The following UNKL variants were observed in gnomAD, a reference collection of about 807,000 sequenced individuals.
UNKL encodes the protein putative E3 ubiquitin-protein ligase UNKL.
In UNKL, 60 loss-of-function variants were observed where a neutral mutation model predicts 78.0. The observed-to-expected ratio is 0.77, with a 90% CI of 0.63 to 0.95. The LOEUF is 0.95. UNKL is among the 40% of genes least tolerant of loss of function. The pLI, the probability that UNKL is intolerant of heterozygous loss-of-function variation, is 0.00. For synonymous variants in UNKL, 608 were observed against 474.8 expected (o/e 1.28, Z -3.65); for missense variants, 1,159 against 1,045.7 (o/e 1.11, Z -1.49).
chr16:1,399,241 C>G lies in UNKL; in HGVS notation c.734+133G>C. On this transcript the variant is annotated intron_variant, in intron 5 of 14. Transcript: ENST00000389221. This position sits in a 1 kb window ranked among gnomAD's most constrained non-coding sequence, Gnocchi z 5.8. The stretch of plus-strand genomic sequence containing the variant: ...CCCACAGCCACTGTGCTTGGAGATG[C>G]CCTCCCCTCCCGGGGATGATGGTGC... 7.3e-7 allele frequency: 1 copy of G among 1,369,110 alleles called. No individual in the cohort carries two copies. The highest frequency in any genetic ancestry group is 2.9e-5 in the Admixed American group (1 of 33,988). The allele number at this position is 1,369,110 out of a possible 1,614,324, so 84.8% of individuals were successfully genotyped here. A position where few individuals can be genotyped will look rare whatever the true frequency, so the allele number is the denominator to read the frequency against.
At chr16:1,410,953 G>A (rs553424065) in intron 2 of UNKL, among the ~76,000 whole-genome samples, 2 of 152,156 alleles carry the variant, frequency 1.3e-5, no homozygotes, top group African/African-American at 2.4e-5. Flanking sequence ...CACTATGGCC[G>A]GGTGTGGTGG....
chr16:1,390,688 G>A lies in UNKL; in HGVS notation c.1030C>T (p.Arg344Trp), dbSNP rs761163570. The A allele has an allele frequency of 1.6e-4, 240 of 1,535,836 alleles. No individual in the cohort carries two copies. The highest frequency in any genetic ancestry group is 1.9e-4 in the Non-Finnish European group (222 of 1,146,872). ...TGSGQPGNAKRRDSPAEGGPR... is the reference protein window; with the variant it reads ...TGSGQPGNAKWRDSPAEGGPR... ...CCACCCTCGGCCGGCGAGTCTCTCC[G>A]CTTGGCCTGCAACATAAAAAACAGT... The change falls in exon 9 of 15, where the codon CGG (arginine) becomes TGG (tryptophan). Residue 344 changes from arginine to tryptophan, a missense_variant. By Grantham distance (101) the Arg-to-Trp change is moderately radical. Transcript: ENST00000389221.
rs576471219 is a variant in UNKL, at chr16:1,368,904, CTT to C, written c.1586-1048_1586-1047del. Among the ~76,000 whole-genome samples, 1,043 of 152,034 alleles carry C rather than the reference CTT, an allele frequency of 6.9e-3. 9 individuals carry two copies. Among genetic ancestry groups the C allele is most frequent in the Non-Finnish European group, 9.4e-3 (638 of 67,974 alleles). Reference sequence around the variant, plus strand: ...AAACTTTGTTTTAAAAAAATAAAAACTTTTAAAATTTTGTATTTTTTTGTAGA... The same window carrying C: ...AAACTTTGTTTTAAAAAAATAAAAACTTAAAATTTTGTATTTTTTTGTAGA... On this transcript the variant is annotated intron_variant, in intron 12 of 14. Coordinates refer to ENST00000389221, the MANE Select transcript of UNKL (RefSeq NM_001372107.1).
chr16:1,413,841 C>T lies in UNKL; in HGVS notation c.287+5G>A, dbSNP rs1294686621. The T allele has an allele frequency of 6.6e-7, 1 of 1,519,766 alleles. No individual in the cohort carries two copies. The highest frequency in any genetic ancestry group is 8.9e-7 in the Non-Finnish European group (1 of 1,126,510). The allele number at this position is 1,519,766 out of a possible 1,614,324, so 94.1% of individuals were successfully genotyped here. ...AGGCAGCGGCGCCCCCTCGCGGCCG[C>T]TTACTCGTCGCCGTCGGGGCACACG... is the stretch of plus-strand genomic sequence containing the variant. On this transcript the variant is annotated splice_donor_5th_base_variant and intron_variant, in intron 2 of 14. Coordinates refer to ENST00000389221, the MANE Select transcript of UNKL (RefSeq NM_001372107.1).
At chr16:1,409,554 C>A (rs1370137918) in intron 2 of UNKL, among the ~76,000 whole-genome samples, 1 of 152,160 alleles carries the variant, frequency 6.6e-6, no homozygotes, top group African/African-American at 2.4e-5. Context: ...AAACAAAACA[C>A]CAAACAGGCA....
At position 1,387,193 on chromosome 16, in the gene UNKL, A is replaced by G. The variant is rs367889575; in HGVS notation, c.1087-1808T>C. Among the ~76,000 whole-genome samples the G allele has an allele frequency of 4.4e-4, 66 of 148,534 alleles. 1 individual carries two copies. In the East Asian group the frequency reaches 4.6e-3, roughly 10 times the overall value. On this transcript the variant is annotated intron_variant, in intron 9 of 14. Coordinates refer to ENST00000389221, the MANE Select transcript of UNKL (RefSeq NM_001372107.1). The surrounding 1 kb of genome is among the most constrained non-coding windows in gnomAD (Gnocchi z 4.1). Reference sequence around the variant, plus strand: ...CACCGGGGACCCTCCCAGCCATGCAACACCGGGGACACTCCCAGCCATGCA... The same window carrying G: ...CACCGGGGACCCTCCCAGCCATGCAGCACCGGGGACACTCCCAGCCATGCA...
intron 8 of UNKL, 106 bp from the exon 9 acceptor site, chr16:1,390,800 C>T (rs1288238901): frequency 4.9e-6 from 6 of 1,230,326 alleles, no homozygotes; most frequent in Non-Finnish European, 5.7e-6. Flanking sequence ...GAGGCTGAGG[C>T]GGGCGGATCA....
At position 1,364,142 on chromosome 16, in the gene UNKL, C is replaced by G. The variant is rs1486448262; in HGVS notation, c.*2098G>C. On this transcript the variant is annotated 3_prime_UTR_variant, in exon 15 of 15. Coordinates refer to ENST00000389221, the MANE Select transcript of UNKL (RefSeq NM_001372107.1). ...CAGTAGCACAAAATATACGTAATTT[C>G]TAGATACTGAGCTAATAAATCACTG... The G allele has an allele frequency of 6.6e-6, 1 of 152,208 alleles. No homozygotes were observed. Among genetic ancestry groups the G allele is most frequent in the Admixed American group, 6.5e-5 (1 of 15,280 alleles). The allele number at this position is 152,208 out of a possible 1,614,324, so 9.4% of individuals were successfully genotyped here.
At chr16:1,412,552 G>A (rs1471239305) in intron 2 of UNKL, among the ~76,000 whole-genome samples, 3 of 152,250 alleles carry the variant, frequency 2.0e-5, no homozygotes, top group Non-Finnish European at 4.4e-5. Context: ...AGAGGTTGCC[G>A]TGAGCCAAGA....
intron 14 of UNKL, 45 bp downstream of exon 14, chr16:1,367,047 C>T (rs1217501391): frequency 4.1e-6 from 6 of 1,477,324 alleles, no homozygotes; most frequent in Non-Finnish European, 5.4e-6. Flanking sequence ...GGACAGCAGC[C>T]CTGCAGGCAG....
intron 5 of UNKL, chr16:1,398,696 T>G (rs374097895): frequency 1.4e-5 from 4 of 282,466 alleles, no homozygotes; most frequent in Non-Finnish European, 1.6e-5. Flanking sequence ...CCCACCCCCC[T>G]CTCAGGTGCA....
At chr16:1,379,789 T>TC (rs1356699184) in intron 10 of UNKL, 14 of 778,098 alleles carry the variant, frequency 1.8e-5, no homozygotes, top group Non-Finnish European at 2.0e-5. Context: ...CCCCCAACCT[T>TC]CCCCCCGACT....
chr16:1,389,304 C>G (rs1191261754), intron 9 of UNKL, among the ~76,000 whole-genome samples: 1 of 152,184 alleles, frequency 6.6e-6, no homozygotes, highest in Non-Finnish European at 1.5e-5. Flanking sequence ...TGAGTTCTTA[C>G]TCCAGGCGTG....
intron 10 of UNKL, among the ~76,000 whole-genome samples, chr16:1,375,492 C>A (rs901237334): frequency 3.3e-5 from 5 of 152,224 alleles, no homozygotes; most frequent in African/African-American, 7.2e-5. Flanking sequence ...ACTGTCCTTC[C>A]CCATCCCGTC....
In UNKL at chr16:1,370,120, C is replaced by T. The variant is rs185802816; in HGVS notation, c.1585+10G>A. The T allele has an allele frequency of 1.3e-5, 20 of 1,535,074 alleles. No individual in the cohort carries two copies. The highest frequency in any genetic ancestry group is 9.8e-5 in the East Asian group (4 of 40,716). ...ACGGCAACGCCAGCATGGAGGGAGC[C>T]GGCACTCACCTAGGGGGCTGTAGGA... On this transcript the variant is annotated intron_variant, in intron 12 of 14. Coordinates refer to ENST00000389221, the MANE Select transcript of UNKL (RefSeq NM_001372107.1).
At position 1,399,528 on chromosome 16, in the gene UNKL, G is replaced by T. The variant is rs551840228; in HGVS notation, c.599-19C>A. On this transcript the variant is annotated intron_variant, in intron 4 of 14. Coordinates refer to ENST00000389221, the MANE Select transcript of UNKL (RefSeq NM_001372107.1). The surrounding 1 kb of genome is among the most constrained non-coding windows in gnomAD (Gnocchi z 5.8). ...TTGGCATCTGAAAAATGGGCCACAC[G>T]GTGCCTGAGCAGCGCGACTGGAAGC... The T allele has an allele frequency of 1.9e-5, 30 of 1,583,768 alleles. No homozygotes were observed. Among genetic ancestry groups the T allele is most frequent in the Admixed American group, 8.9e-5 (5 of 56,280 alleles).
At chr16:1,411,021 C>T (rs539730178) in intron 2 of UNKL, among the ~76,000 whole-genome samples, 5 of 151,976 alleles carry the variant, frequency 3.3e-5, no homozygotes, top group African/African-American at 9.7e-5. Flanking sequence ...CGCTTGAGGC[C>T]GGGTAACACA....
At chr16:1,394,533 G>C (rs1047568608) in intron 6 of UNKL, 1 of 542,798 alleles carries the variant, frequency 1.8e-6, no homozygotes, top group Non-Finnish European at 3.5e-6. Flanking sequence ...GTATGCAGCA[G>C]GTGCCTAATA....
intron 1 of UNKL, among the ~76,000 whole-genome samples, chr16:1,414,368 A>C (rs1311328599): frequency 6.6e-6 from 1 of 151,556 alleles, no homozygotes; most frequent in Non-Finnish European, 1.5e-5. Flanking sequence ...CGCAACCCCC[A>C]ACCCCGGGGC....
Sources: gnomAD v4.1 joint callset for allele counts (sites outside exome capture counted in the v4.1 genomes callset) on GRCh38, gnomAD v4.1.1 for gene constraint, Gnocchi (gnomAD v3.1) non-coding constraint, MANE v1.5 for transcripts, NCBI Gene and HGNC (gene_info 2026-07-23, HGNC 2026-07-21) for gene names.